The following ECHDC2 variants were observed in gnomAD, a reference collection of about 807,000 sequenced individuals.
ECHDC2 encodes enoyl-CoA hydratase domain containing 2.
A neutral mutation model predicts 40.6 loss-of-function variants in ECHDC2; 34 were observed. That is an observed-to-expected ratio of 0.84 (90% CI 0.64 to 1.11). ECHDC2 has a LOEUF of 1.11. Among genes scored for constraint, ECHDC2 ranks in the 50% most tolerant of loss-of-function variants. ECHDC2 has a pLI of 0.00. For missense variants in ECHDC2, 392 were observed against 400.7 expected (o/e 0.98, Z 0.19); for synonymous variants, 162 against 166.6 (o/e 0.97, Z 0.21).
chr1:52,913,443 T>G (rs1649999640), intron 1 of ECHDC2: 1 of 152,188 alleles, frequency 6.6e-6, no homozygotes, highest in Non-Finnish European at 1.5e-5. Flanking sequence ...TTATTCTCAT[T>G]AAAGTGATGA....
At position 52,896,338 on chromosome 1, in the gene ECHDC2, A is replaced by G. The variant is rs1646633624; in HGVS notation, c.*182T>C. 1.7e-6 allele frequency: 1 copy of G among 603,500 alleles called. No individual in the cohort carries two copies. The allele number at this position is 603,500 out of a possible 1,614,324, so 37.4% of individuals were successfully genotyped here. A position where few individuals can be genotyped will look rare whatever the true frequency, so the allele number is the denominator to read the frequency against. Reference sequence around the variant, plus strand: ...GGGTGAAGCTAAGGAAGGTAGCAGTAGGTGGTAGGATCAGCACCTTGGTTC... The same window carrying G: ...GGGTGAAGCTAAGGAAGGTAGCAGTGGGTGGTAGGATCAGCACCTTGGTTC... On this transcript the variant is annotated 3_prime_UTR_variant, in exon 10 of 10. Transcript: ENST00000371522.
Position 52,899,217 on chromosome 1 carries a change from A to G in ECHDC2, c.710T>C (p.Ile237Thr), listed in dbSNP as rs113731486. ...LAQEILPQAP[I>T]AVRLGKVAID... ...GGCTACTTTGCCCAGCCGCACGGCA[A>G]TGGGGGCCTAGGGAAAAGCAAAAAG... is the stretch of plus-strand genomic sequence containing the variant. Residue 237 changes from isoleucine to threonine, a missense_variant, in exon 8 of 10, where the codon ATT becomes ACT. By Grantham distance (89) the Ile-to-Thr change is moderately conservative. Coordinates refer to ENST00000371522, the MANE Select transcript of ECHDC2 (RefSeq NM_001198961.2). 5 of 1,612,624 alleles carry G rather than the reference A, an allele frequency of 3.1e-6. No individual in the cohort carries two copies. Among genetic ancestry groups the G allele is most frequent in the Admixed American group, 1.7e-5 (1 of 59,974 alleles).
chr1:52,920,339 G>C, intron 1 of ECHDC2: 1 of 653,630 alleles, frequency 1.5e-6, no homozygotes, highest in Non-Finnish European at 2.7e-6. Context: ...GCAAAGCCCC[G>C]CTTCAAACTT....
intron 7 of ECHDC2, among the ~76,000 whole-genome samples, chr1:52,904,008 G>A (rs946527577): frequency 1.2e-4 from 19 of 152,042 alleles, no homozygotes; most frequent in African/African-American, 4.1e-4. Flanking sequence ...AGTAGAGACG[G>A]GGTTTCACCA....
Position 52,905,062 on chromosome 1 carries a change from C to G in ECHDC2, c.486G>C (p.Glu162Asp). ...CCCCCGGGAGGAGCCCTCGCGTGGT[C>G]TCAATCAGTCCCATGACTGCCGAGG... The part of the protein sequence containing the change: ...AASSAVMGLI[E>D]TTRGLLPGAG... The change falls in exon 6 of 10, where the codon GAG becomes GAC. Residue 162 changes from glutamate to aspartate, a missense_variant. Physicochemically the swap from Glu to Asp is conservative, Grantham distance 45. Coordinates refer to ENST00000371522, the MANE Select transcript of ECHDC2 (RefSeq NM_001198961.2). 1 of 1,614,158 alleles carries G rather than the reference C, an allele frequency of 6.2e-7. No homozygotes were observed. The highest frequency in any genetic ancestry group is 8.5e-7 in the Non-Finnish European group (1 of 1,180,026).
intron 1 of ECHDC2, chr1:52,913,785 G>T: frequency 3.0e-6 from 1 of 338,716 alleles, no homozygotes; most frequent in Non-Finnish European, 4.5e-6. Context: ...GGGGGCCCTA[G>T]TGTACACTGG....
chr1:52,919,318 CT>C, intron 1 of ECHDC2, among the ~76,000 whole-genome samples: 1 of 152,232 alleles, frequency 6.6e-6, no homozygotes, highest in East Asian at 1.9e-4. Flanking sequence ...TTTAAAAAAT[CT>C]TTTAGACTGT....
chr1:52,905,203 T>A, intron 5 of ECHDC2, 113 bp from the exon 6 acceptor site: 1 of 1,205,534 alleles, frequency 8.3e-7, no homozygotes, highest in Non-Finnish European at 1.2e-6. Flanking sequence ...ACTTGCCCCA[T>A]GGTCTGGCCA....
chr1:52,913,506 G>A (rs561005685), intron 1 of ECHDC2: 2 of 152,234 alleles, frequency 1.3e-5, no homozygotes, highest in South Asian at 2.1e-4. Flanking sequence ...CCTCAACCTC[G>A]TGGCAGCAAA....
rs775777609 is a variant in ECHDC2, at chr1:52,906,650, G to T, written c.365-39C>A. On this transcript the variant is annotated intron_variant, in intron 4 of 9. Coordinates refer to ENST00000371522, the MANE Select transcript of ECHDC2 (RefSeq NM_001198961.2). ...GAAAGGCTCAGCCTGCAAAGCCCTGGTGGGACCAGGACAGAGACTCAAGGC... is the reference window on the plus strand; with the variant it reads ...GAAAGGCTCAGCCTGCAAAGCCCTGTTGGGACCAGGACAGAGACTCAAGGC... 9.1e-6 allele frequency: 14 copies of T among 1,544,212 alleles called. No individual in the cohort carries two copies. The Middle Eastern group carries it at 5.3e-4, about 59-fold the overall frequency.
chr1:52,902,797 G>A (rs1200430323), intron 7 of ECHDC2, among the ~76,000 whole-genome samples: 2 of 151,696 alleles, frequency 1.3e-5, no homozygotes, highest in African/African-American at 4.8e-5. Context: ...CCAAAATACC[G>A]GTGTTGTTTT....
chr1:52,913,487 C>G (rs1650010522), intron 1 of ECHDC2: 1 of 152,230 alleles, frequency 6.6e-6, no homozygotes, highest in Non-Finnish European at 1.5e-5. Flanking sequence ...GGACACGTTT[C>G]TCTCCTTGCC....
Position 52,896,380 on chromosome 1 carries a change from C to T in ECHDC2, c.*140G>A. The T allele has an allele frequency of 1.3e-6, 1 of 741,164 alleles. No individual in the cohort carries two copies. The highest frequency in any genetic ancestry group is 2.4e-6 in the Non-Finnish European group (1 of 420,054). The allele number at this position is 741,164 out of a possible 1,614,324, so 45.9% of individuals were successfully genotyped here. A position where few individuals can be genotyped will look rare whatever the true frequency, so the allele number is the denominator to read the frequency against. Reference sequence around the variant, plus strand: ...CCTTGGTTCCAGGCATCACGCCAGTCATTTTATTTCCATCATCATCCTTGT... The same window carrying T: ...CCTTGGTTCCAGGCATCACGCCAGTTATTTTATTTCCATCATCATCCTTGT... On this transcript the variant is annotated 3_prime_UTR_variant, in exon 10 of 10. Transcript: ENST00000371522.
intron 8 of ECHDC2, 103 bp downstream of exon 8, chr1:52,899,071 C>T: frequency 2.5e-6 from 3 of 1,216,672 alleles, no homozygotes; most frequent in Non-Finnish European, 1.2e-6. Context: ...GAAGAGTCCA[C>T]TTCCTGAGTT....
At chr1:52,897,740 G>A (rs558948196) in intron 8 of ECHDC2, 13 of 568,742 alleles carry the variant, frequency 2.3e-5, no homozygotes, top group East Asian at 1.8e-4. Flanking sequence ...CCTGTCACCC[G>A]TTAATTTCTG....
intron 7 of ECHDC2, among the ~76,000 whole-genome samples, chr1:52,903,597 A>G (rs1647136747): frequency 6.6e-6 from 1 of 151,014 alleles, no homozygotes; most frequent in Non-Finnish European, 1.5e-5. Flanking sequence ...GAACTACCAC[A>G]TCTGGCTAAA....
chr1:52,915,241 C>T, intron 1 of ECHDC2: 1 of 455,992 alleles, frequency 2.2e-6, no homozygotes, highest in South Asian at 1.5e-5. Context: ...TTTCCCAATC[C>T]TTTGGCCTTC....
chr1:52,921,744 G>T, upstream of ECHDC2: 1 of 1,423,862 alleles, frequency 7.0e-7, no homozygotes, highest in Non-Finnish European at 9.2e-7. Flanking sequence ...AGAGCTCGCA[G>T]TTCCGGCGTC....
intron 7 of ECHDC2, chr1:52,900,209 G>A (rs1165089608): frequency 2.6e-5 from 4 of 152,136 alleles, no homozygotes; most frequent in African/African-American, 7.2e-5. Flanking sequence ...TTTCACCTCA[G>A]ACCAGCAAAT....
Sources: gnomAD v4.1 joint callset for allele counts (sites outside exome capture counted in the v4.1 genomes callset) on GRCh38, gnomAD v4.1.1 for gene constraint, MANE v1.5 for transcripts, NCBI Gene and HGNC (gene_info 2026-07-23, HGNC 2026-07-21) for gene names.